COL21A1: variants seen among roughly 807,000 people sequenced by gnomAD.
COL21A1 encodes collagen type XXI alpha 1 chain.
Under a neutral mutation model 137.9 loss-of-function variants are expected in COL21A1, and 149 were observed. The observed-to-expected ratio is 1.08, with a 90% CI of 0.95 to 1.24. The LOEUF (loss-of-function observed/expected upper bound fraction) is 1.24, where lower values mean the gene tolerates loss of function less well. COL21A1 is among the 50% of genes most tolerant of loss of function. The pLI is 0.00. For missense variants in COL21A1, 1,167 were observed against 1,158.4 expected (o/e 1.01, Z -0.11); for synonymous variants, 456 against 391.5 (o/e 1.16, Z -1.95).
At chr6:56,137,845 T>C (rs1295170218) in intron 12 of COL21A1, among the ~76,000 whole-genome samples, 5 of 152,184 alleles carry the variant, frequency 3.3e-5, no homozygotes, top group Non-Finnish European at 7.3e-5. Flanking sequence ...ATATTATAGT[T>C]TTAAAAGAAA....
At chr6:56,314,448 T>G (rs189450829) in intron 1 of COL21A1, among the ~76,000 whole-genome samples, 6 of 152,178 alleles carry the variant, frequency 3.9e-5, no homozygotes, top group Non-Finnish European at 5.9e-5. Context: ...TAAGTCTAAT[T>G]GTAAGATATG....
intron 18 of COL21A1, among the ~76,000 whole-genome samples, chr6:56,077,049 G>A (rs1276477537): frequency 6.6e-6 from 1 of 151,214 alleles, no homozygotes; most frequent in East Asian, 1.9e-4. Flanking sequence ...AGTTAACAAT[G>A]AAAGCCAAAA....
chr6:56,217,068 A>AAAGTTTG (rs1780530219), intron 1 of COL21A1, among the ~76,000 whole-genome samples: 1 of 152,104 alleles, frequency 6.6e-6, no homozygotes, highest in Admixed American at 6.6e-5. Flanking sequence ...GAAACTTTTA[A>AAAGTTTG]GGTGTAGAGT....
intron 9 of COL21A1, among the ~76,000 whole-genome samples, chr6:56,158,274 T>C (rs1385179811): frequency 7.6e-6 from 1 of 132,364 alleles, no homozygotes; most frequent in Admixed American, 7.4e-5. Flanking sequence ...TTCTTTTTTT[T>C]TTTTTTTTTT....
At chr6:56,063,051 C>G (rs562960941) in intron 24 of COL21A1, among the ~76,000 whole-genome samples, 2 of 152,192 alleles carry the variant, frequency 1.3e-5, no homozygotes, top group South Asian at 2.1e-4. Flanking sequence ...GATGACTATT[C>G]AGCTGCTGAA....
chr6:56,184,879 C>A (rs1401040959), intron 1 of COL21A1, among the ~76,000 whole-genome samples: 3 of 152,248 alleles, frequency 2.0e-5, no homozygotes, highest in Admixed American at 2.0e-4. Context: ...TTTCACCTGT[C>A]CACTTATCAT....
intron 20 of COL21A1, among the ~76,000 whole-genome samples, chr6:56,073,267 G>T (rs1184720810): frequency 6.6e-6 from 1 of 151,356 alleles, no homozygotes; most frequent in Non-Finnish European, 1.5e-5. Context: ...AGTCATTCCA[G>T]CAAGTCAGTC....
intron 1 of COL21A1, among the ~76,000 whole-genome samples, chr6:56,272,627 T>C (rs999319544): frequency 2.0e-5 from 3 of 152,068 alleles, no homozygotes; most frequent in African/African-American, 7.2e-5. Context: ...CCAAATCTCA[T>C]CTCCAATTGT....
chr6:56,328,471 T>G (rs1260104642), intron 1 of COL21A1, among the ~76,000 whole-genome samples: 1 of 152,068 alleles, frequency 6.6e-6, no homozygotes. Context: ...AACTGAAAGG[T>G]GTTACAATTC....
chr6:56,340,220 G>A (rs561647265), intron 1 of COL21A1, among the ~76,000 whole-genome samples: 218 of 152,212 alleles, frequency 1.4e-3, no homozygotes, highest in Non-Finnish European at 2.4e-3. Flanking sequence ...AGTCACCTGG[G>A]AGCAATTCTG....
chr6:56,239,770 C>T (rs1011694430), intron 1 of COL21A1, among the ~76,000 whole-genome samples: 2 of 152,096 alleles, frequency 1.3e-5, no homozygotes, highest in Non-Finnish European at 2.9e-5. Flanking sequence ...TGTGTCCCCT[C>T]CAAAATTTAC....
chr6:56,368,647 T>G (rs1766156105), intron 1 of COL21A1, among the ~76,000 whole-genome samples: 1 of 152,228 alleles, frequency 6.6e-6, no homozygotes. Flanking sequence ...CTTACATTCC[T>G]TTTGTTTCAG....
At chr6:56,110,941 G>A (rs954569257) in intron 16 of COL21A1, among the ~76,000 whole-genome samples, 1 of 152,038 alleles carries the variant, frequency 6.6e-6, no homozygotes, top group Non-Finnish European at 1.5e-5. Flanking sequence ...TCTAAGATTT[G>A]GAGCTTAAGT....
At chr6:56,140,409 G>C (rs1280093477) in intron 12 of COL21A1, among the ~76,000 whole-genome samples, 3 of 152,120 alleles carry the variant, frequency 2.0e-5, no homozygotes, top group Admixed American at 6.6e-5. Flanking sequence ...ATTATCTTAA[G>C]TGGAAATTCC....
chr6:56,074,410 A>G (rs1767029764), intron 19 of COL21A1, 125 bp from the exon 20 acceptor site: 1 of 590,094 alleles, frequency 1.7e-6, no homozygotes, highest in South Asian at 2.8e-5. Context: ...CTGAAAATAT[A>G]ATACAATATT....
intron 1 of COL21A1, among the ~76,000 whole-genome samples, chr6:56,259,566 G>A (rs1763201906): frequency 6.6e-6 from 1 of 152,218 alleles, no homozygotes; most frequent in Non-Finnish European, 1.5e-5. Flanking sequence ...AAAAACATAT[G>A]TATCCAACTG....
chr6:56,203,970 T>C (rs4715592), intron 1 of COL21A1, among the ~76,000 whole-genome samples: 114,695 of 152,122 alleles, frequency 0.75, 43,920 homozygotes, highest in African/African-American at 0.88. Flanking sequence ...TCTTCACAAC[T>C]AGCAAACCAG....
intron 1 of COL21A1, among the ~76,000 whole-genome samples, chr6:56,198,616 G>A (rs905503264): frequency 6.6e-6 from 1 of 151,962 alleles, no homozygotes; most frequent in Non-Finnish European, 1.5e-5. Flanking sequence ...CCAATGAATG[G>A]CATACTAAGC....
chr6:56,070,912 G>T (rs192319656), intron 20 of COL21A1, 114 bp from the exon 21 acceptor site: 2 of 825,728 alleles, frequency 2.4e-6, no homozygotes, highest in Non-Finnish European at 3.8e-6. Context: ...TTAACTTTCC[G>T]ATTGTTTGAT....
Sources: gnomAD v4.1 joint callset for allele counts (sites outside exome capture counted in the v4.1 genomes callset) on GRCh38, gnomAD v4.1.1 for gene constraint, MANE v1.5 for transcripts, NCBI Gene and HGNC (gene_info 2026-07-23, HGNC 2026-07-21) for gene names.